Variants in TNFSF11 observed in about 807,000 individuals in gnomAD.
The protein encoded by TNFSF11 is tumor necrosis factor ligand superfamily member 11.
TNFSF11 carries 12 observed loss-of-function variants against 32.2 expected under a neutral mutation model. The observed-to-expected ratio is 0.37, with a 90% CI of 0.24 to 0.60. The LOEUF is 0.60. Ranked by LOEUF, TNFSF11 falls within the 20% of genes least tolerant of loss-of-function variation. The pLI is 0.66. For synonymous variants in TNFSF11, 172 were observed against 152.1 expected (o/e 1.13, Z -0.96); for missense variants, 345 against 398.0 (o/e 0.87, Z 1.13).
At chr13:42,568,953 A>G (rs918795648) in intron 2 of TNFSF11, among the ~76,000 whole-genome samples, 4 of 152,168 alleles carry the variant, frequency 2.6e-5, no homozygotes, top group African/African-American at 7.2e-5. Flanking sequence ...TAGGTGGCAA[A>G]TCCAAGGGGT....
chr13:42,567,207 C>CA (rs1362344343), intron 2 of TNFSF11, among the ~76,000 whole-genome samples: 1 of 152,048 alleles, frequency 6.6e-6, no homozygotes, highest in Non-Finnish European at 1.5e-5. Flanking sequence ...TTTTCAGAAA[C>CA]AGCTACAATC....
chr13:42,593,396 T>G (rs369356236), intron 2 of TNFSF11, among the ~76,000 whole-genome samples: 12 of 152,282 alleles, frequency 7.9e-5, no homozygotes, highest in Non-Finnish European at 1.0e-4. Context: ...TACTTTAGGA[T>G]GCACTCTAAC....
rs1594457776 is a variant in TNFSF11 at position 42,574,193 on chromosome 13, A to C, written c.-111A>C. The C allele has an allele frequency of 3.5e-6, 5 of 1,434,866 alleles. No homozygotes were observed. Among genetic ancestry groups the C allele is most frequent in the Non-Finnish European group, 4.8e-6 (5 of 1,050,800 alleles). 88.9% of individuals were successfully genotyped at this position (1,434,866 alleles called of 1,614,324 possible). On this transcript the variant is annotated 5_prime_UTR_variant, in exon 1 of 5. Coordinates refer to ENST00000398795, the MANE Select transcript of TNFSF11 (RefSeq NM_003701.4). ...GCCCCAGGACCCAAAGCCGGGCTCC[A>C]AGTCGGCGCCCCACGTCGAGGCTCC...
Position 42,574,328 on chromosome 13 carries a change from A to T in TNFSF11, c.25A>T (p.Thr9Ser). The change falls in exon 1 of 5, where the codon ACC becomes TCC. Residue 9 changes from threonine to serine, a missense_variant. Thr to Ser is a moderately conservative substitution (Grantham distance 58, BLOSUM62 1). Transcript: ENST00000398795. MRRASRDY[T>S]KYLRGSEEMG... ...CATGCGCCGCGCCAGCAGAGACTAC[A>T]CCAAGTACCTGCGTGGCTCGGAGGA... 2 of 1,546,786 alleles carry T rather than the reference A, an allele frequency of 1.3e-6. No individual in the cohort carries two copies. Among genetic ancestry groups the T allele is most frequent in the Non-Finnish European group, 1.7e-6 (2 of 1,146,350 alleles).
chr13:42,588,610 G>A (rs1297995649), intron 2 of TNFSF11, among the ~76,000 whole-genome samples: 4 of 152,152 alleles, frequency 2.6e-5, no homozygotes, highest in Non-Finnish European at 5.9e-5. Flanking sequence ...ATTGAAGAGC[G>A]GGATGTGCCT....
upstream of TNFSF11, chr13:42,571,612 T>C (rs1349620384): frequency 6.6e-6 from 1 of 152,196 alleles, no homozygotes; most frequent in Non-Finnish European, 1.5e-5. Flanking sequence ...CCAGTGATCC[T>C]CACGCCTCGG....
upstream of TNFSF11, among the ~76,000 whole-genome samples, chr13:42,569,547 C>CAA (rs71298952): frequency 0.022 from 2,911 of 134,100 alleles, 48 homozygotes; most frequent in Middle Eastern, 0.081. Context: ...CACTCTGTCT[C>CAA]AAAAAAAAAA....
At chr13:42,605,505 C>T (rs1441978747) in intron 4 of TNFSF11, among the ~76,000 whole-genome samples, 1 of 152,142 alleles carries the variant, frequency 6.6e-6, no homozygotes, top group African/African-American at 2.4e-5. Flanking sequence ...AGAGGTATTG[C>T]CAATTTTTAA....
intron 4 of TNFSF11, among the ~76,000 whole-genome samples, chr13:42,603,319 C>T (rs371936410): frequency 2.6e-5 from 4 of 152,232 alleles, no homozygotes; most frequent in East Asian, 1.9e-4. Context: ...ACCTCTTCTG[C>T]GGTACTTAGC....
At position 42,600,763 on chromosome 13, in the gene TNFSF11, T is replaced by C; in HGVS notation, c.399T>C (p.His133=). 2 of 1,614,064 alleles carry C rather than the reference T, an allele frequency of 1.2e-6. No homozygotes were observed. Among genetic ancestry groups the C allele is most frequent in the South Asian group, 2.2e-5 (2 of 91,054 alleles). Residue 133 remains histidine (H), a synonymous_variant, in exon 3 of 5, where the codon CAT becomes CAC. Coordinates refer to ENST00000398795, the MANE Select transcript of TNFSF11 (RefSeq NM_003701.4). The part of the protein sequence containing the change: ...FQGAVQKELQ[H]IVGSQHIRAE... The stretch of plus-strand genomic sequence containing the variant: ...CCTTTTTATTTCAGGAATTACAACA[T>C]ATCGTTGGATCACAGCACATCAGAG...
chr13:42,577,194 A>G (rs901216129), intron 1 of TNFSF11, among the ~76,000 whole-genome samples: 1 of 152,244 alleles, frequency 6.6e-6, no homozygotes, highest in African/African-American at 2.4e-5. Flanking sequence ...TTAAAGGTGG[A>G]GAAAAGAAGG....
chr13:42,574,731 C>A (rs1338613476), intron 1 of TNFSF11, among the ~76,000 whole-genome samples: 1 of 152,158 alleles, frequency 6.6e-6, no homozygotes, highest in Non-Finnish European at 1.5e-5. Flanking sequence ...TCTCCGCCCA[C>A]GCACCCCAGC....
At chr13:42,584,969 G>C (rs187411171) in intron 2 of TNFSF11, among the ~76,000 whole-genome samples, 116 of 152,338 alleles carry the variant, frequency 7.6e-4, no homozygotes, top group Middle Eastern at 3.4e-3. Context: ...CTTTAGGAAA[G>C]AGACAAGTCT....
chr13:42,580,374 TACA>T (rs1160936774), intron 1 of TNFSF11, among the ~76,000 whole-genome samples: 1 of 152,208 alleles, frequency 6.6e-6, no homozygotes, highest in Non-Finnish European at 1.5e-5. Context: ...GACAATTCCT[TACA>T]TTACAGGAAT....
In TNFSF11 at chr13:42,603,205, T is replaced by C. The variant is rs569462215; in HGVS notation, c.532+2224T>C. ...TCTGCCTTATATGGACTGATACCAC[T>C]TGCATTTTCAAAATATCTTAGATGA... On this transcript the variant is annotated intron_variant, in intron 4 of 4. Transcript: ENST00000398795. Among the ~76,000 whole-genome samples the C allele has an allele frequency of 1.2e-4, 18 of 152,340 alleles. No individual in the cohort carries two copies. In the South Asian group the frequency reaches 3.1e-3, roughly 26 times the overall value.
intron 2 of TNFSF11, among the ~76,000 whole-genome samples, chr13:42,587,739 C>T (rs1873965584): frequency 6.6e-6 from 1 of 152,170 alleles, no homozygotes. Flanking sequence ...AGAAAGTTCA[C>T]CAGATTAAGT....
chr13:42,569,693 G>A (rs182284299), upstream of TNFSF11, among the ~76,000 whole-genome samples: 370 of 152,274 alleles, frequency 2.4e-3, 2 homozygotes, highest in Middle Eastern at 0.02. Flanking sequence ...AAGGAATTTA[G>A]GTGACTTCTA....
rs1399130232 is a variant in TNFSF11, at chr13:42,574,369, C to G, written c.66C>G (p.Pro22=). The G allele has an allele frequency of 9.7e-6, 15 of 1,542,254 alleles. No individual in the cohort carries two copies. The highest frequency in any genetic ancestry group is 1.2e-5 in the Non-Finnish European group (14 of 1,145,276). ...GCTCGGAGGAGATGGGCGGCGGCCCCGGAGCCCCGCACGAGGGCCCCCTGC... is the reference window on the plus strand; with the variant it reads ...GCTCGGAGGAGATGGGCGGCGGCCCGGGAGCCCCGCACGAGGGCCCCCTGC... The part of the protein sequence containing the change: ...LRGSEEMGGG[P]GAPHEGPLHA... Residue 22 remains proline, a synonymous_variant, in exon 1 of 5, where the codon CCC becomes CCG. Coordinates refer to ENST00000398795, the MANE Select transcript of TNFSF11 (RefSeq NM_003701.4).
At chr13:42,577,783 C>T (rs1873395376) in intron 1 of TNFSF11, among the ~76,000 whole-genome samples, 1 of 152,136 alleles carries the variant, frequency 6.6e-6, no homozygotes, top group Non-Finnish European at 1.5e-5. Context: ...CGAAGTAGCA[C>T]AAACGTCAAG....
Sources: allele counts gnomAD v4.1 joint callset (sites outside exome capture counted in the v4.1 genomes callset), GRCh38; gene constraint gnomAD v4.1.1; transcripts MANE v1.5; gene names NCBI Gene and HGNC (gene_info 2026-07-23, HGNC 2026-07-21).